PCDH15: variants seen among roughly 807,000 people sequenced by gnomAD.
PCDH15 encodes the protein protocadherin related 15, also known as protocadherin-15.
A neutral mutation model predicts 178.5 loss-of-function variants in PCDH15; 129 were observed. The observed-to-expected ratio is 0.72, with a 90% CI of 0.63 to 0.84. The LOEUF (loss-of-function observed/expected upper bound fraction) is 0.84, where lower values mean the gene tolerates loss of function less well. Among genes scored for constraint, PCDH15 ranks in the 40% least tolerant of loss-of-function variants. The pLI is 0.00. For missense variants in PCDH15, 2,230 were observed against 2,099.9 expected (o/e 1.06, Z -1.21); for synonymous variants, 800 against 732.0 (o/e 1.09, Z -1.50).
Position 54,893,239 on chromosome 10 carries a change from T to C in PCDH15, c.-29+4211A>G, listed in dbSNP as rs1954492367. On this transcript the variant is annotated intron_variant, in intron 3 of 5. Transcript: ENST00000458638. ...TTTTAAAAAATTCTAAAAATTACAC[T>C]AAAAACCAAAAATGATAATTAATAC... 7.2e-5 allele frequency among the ~76,000 whole-genome samples: 11 copies of C among 151,968 alleles called. No individual in the cohort carries two copies. In the South Asian group the frequency reaches 2.3e-3, roughly 32 times the overall value.
chr10:53,839,148 G>A (rs1169381719), intron 29 of PCDH15, among the ~76,000 whole-genome samples: 1 of 147,224 alleles, frequency 6.8e-6, no homozygotes, highest in African/African-American at 2.5e-5. Flanking sequence ...AGCTTGCAGT[G>A]AGCGAGATTG....
At chr10:55,353,562 T>C (rs1475492946) in intron 2 of PCDH15, among the ~76,000 whole-genome samples, 1 of 152,128 alleles carries the variant, frequency 6.6e-6, no homozygotes, top group East Asian at 1.9e-4. Context: ...AGCAGGCAAG[T>C]GTATACAGTA....
At chr10:54,948,840 C>T (rs1282008271) in intron 2 of PCDH15, among the ~76,000 whole-genome samples, 3 of 151,726 alleles carry the variant, frequency 2.0e-5, no homozygotes, top group Admixed American at 1.3e-4. Context: ...CCAGAAACAC[C>T]CTCACAGATA....
chr10:54,190,910 A>T lies in PCDH15; in HGVS notation c.1305+4773T>A, dbSNP rs186544893. Among the ~76,000 whole-genome samples, 1,210 of 152,336 alleles carry T rather than the reference A, an allele frequency of 7.9e-3. 16 individuals carry two copies. The highest frequency in any genetic ancestry group is 0.012 in the Non-Finnish European group (810 of 68,038). The stretch of plus-strand genomic sequence containing the variant: ...TAATATATGAATGACTATTTCATAG[A>T]TTTATTTTGTGTGCTGGCAAATGGA... On this transcript the variant is annotated intron_variant, in intron 11 of 37. Coordinates refer to ENST00000644397, the MANE Select transcript of PCDH15 (RefSeq NM_001384140.1).
intron 11 of PCDH15, among the ~76,000 whole-genome samples, chr10:54,192,116 A>ATAAAG (rs202237087): frequency 7.2e-4 from 102 of 140,818 alleles, no homozygotes; most frequent in African/African-American, 2.6e-3. Flanking sequence ...AGAAAAAAAA[A>ATAAAG]AAAGAAAGAA....
intron 2 of PCDH15, among the ~76,000 whole-genome samples, chr10:54,559,661 A>T (rs908422196): frequency 6.6e-6 from 1 of 151,980 alleles, no homozygotes; most frequent in South Asian, 2.1e-4. Context: ...TTCCCACAAT[A>T]AATTCCCTCC....
chr10:54,232,254 G>A (rs1022963117), intron 9 of PCDH15, among the ~76,000 whole-genome samples: 4 of 152,108 alleles, frequency 2.6e-5, no homozygotes, highest in African/African-American at 9.7e-5. Flanking sequence ...TTAAAAGTGT[G>A]TAGTACCACC....
At chr10:54,174,095 G>T (rs556015940) in intron 13 of PCDH15, among the ~76,000 whole-genome samples, 7 of 152,222 alleles carry the variant, frequency 4.6e-5, no homozygotes, top group African/African-American at 1.7e-4. Flanking sequence ...CCATTGAAGG[G>T]GTCAAGCATG....
At chr10:54,763,133 C>T (rs1948093407) in intron 1 of PCDH15, among the ~76,000 whole-genome samples, 1 of 152,068 alleles carries the variant, frequency 6.6e-6, no homozygotes, top group Non-Finnish European at 1.5e-5. Context: ...ATGAACCCAC[C>T]CTGCTCTTTT....
intron 3 of PCDH15, among the ~76,000 whole-genome samples, chr10:54,417,900 T>C (rs1274256402): frequency 6.6e-6 from 1 of 152,138 alleles, no homozygotes; most frequent in Non-Finnish European, 1.5e-5. Context: ...CACATGCTAT[T>C]TGTTTATTTA....
At chr10:53,973,842 T>G in intron 21 of PCDH15, among the ~76,000 whole-genome samples, 1 of 152,194 alleles carries the variant, frequency 6.6e-6, no homozygotes, top group Non-Finnish European at 1.5e-5. Flanking sequence ...AGAGCCTTTC[T>G]AATTGGTAAA....
intron 20 of PCDH15, among the ~76,000 whole-genome samples, chr10:54,012,373 G>C (rs1363860873): frequency 6.6e-6 from 1 of 152,132 alleles, no homozygotes; most frequent in Non-Finnish European, 1.5e-5. Flanking sequence ...ACATATTTCA[G>C]GATATTGTCC....
intron 21 of PCDH15, 37 bp downstream of exon 21, chr10:53,995,612 G>A: frequency 1.2e-6 from 2 of 1,613,516 alleles, no homozygotes; most frequent in South Asian, 1.1e-5. Flanking sequence ...ATTTTTCTCA[G>A]TACAGTTCAG....
chr10:55,595,669 C>A (rs1462300090), intron 2 of PCDH15, among the ~76,000 whole-genome samples: 1 of 151,960 alleles, frequency 6.6e-6, no homozygotes, highest in Admixed American at 6.6e-5. Flanking sequence ...CAAGTCACGG[C>A]AATTTTTTCT....
At chr10:54,642,563 T>C (rs1590774638) in intron 2 of PCDH15, among the ~76,000 whole-genome samples, 1 of 152,168 alleles carries the variant, frequency 6.6e-6, no homozygotes, top group East Asian at 1.9e-4. Flanking sequence ...AAATGAACTG[T>C]CACCAAAAGC....
chr10:55,347,429 A>C (rs1033752734), intron 2 of PCDH15, among the ~76,000 whole-genome samples: 6 of 152,120 alleles, frequency 3.9e-5, no homozygotes, highest in Non-Finnish European at 7.4e-5. Context: ...GAAACACATA[A>C]ATAAGTACAA....
intron 1 of PCDH15, among the ~76,000 whole-genome samples, chr10:55,316,106 T>C (rs1424354937): frequency 6.6e-6 from 1 of 152,180 alleles, no homozygotes; most frequent in East Asian, 1.9e-4. Context: ...TTTTTGTAAA[T>C]GAGTATATGT....
At position 54,875,952 on chromosome 10, in the gene PCDH15, C is replaced by T. The variant is rs182513555; in HGVS notation, c.-29+21498G>A. Among the ~76,000 whole-genome samples, 242 of 152,186 alleles carry T rather than the reference C, an allele frequency of 1.6e-3. 1 individual carries two copies. The highest frequency in any genetic ancestry group is 5.1e-3 in the African/African-American group (211 of 41,536). On this transcript the variant is annotated intron_variant, in intron 3 of 5. Transcript: ENST00000458638. ...TTTTCAATGTAGATGAAAGAACCTTCCATTGAAAGAAATTATCATCTAGGA... is the reference window on the plus strand; with the variant it reads ...TTTTCAATGTAGATGAAAGAACCTTTCATTGAAAGAAATTATCATCTAGGA...
chr10:54,964,089 C>T (rs935127560), intron 2 of PCDH15, among the ~76,000 whole-genome samples: 2 of 152,166 alleles, frequency 1.3e-5, no homozygotes, highest in Non-Finnish European at 1.5e-5. Context: ...TCTTGTGTCT[C>T]ATTGTTCAGA....
Sources: allele counts gnomAD v4.1 joint callset (sites outside exome capture counted in the v4.1 genomes callset), GRCh38; gene constraint gnomAD v4.1.1; transcripts MANE v1.5; gene names NCBI Gene and HGNC (gene_info 2026-07-23, HGNC 2026-07-21).